Variants in MTREX observed in about 807,000 individuals in gnomAD.
MTREX encodes the protein exosome RNA helicase MTR4.
MTREX carries 76 observed loss-of-function variants against 135.4 expected under a neutral mutation model. The ratio of observed to expected loss-of-function variants is 0.56; its 90% CI spans 0.47 to 0.68. The LOEUF (loss-of-function observed/expected upper bound fraction) is 0.68, where lower values mean the gene tolerates loss of function less well. Among genes scored for constraint, MTREX ranks in the 30% least tolerant of loss-of-function variants. MTREX has a pLI of 0.00. For missense variants in MTREX, 920 were observed against 1,262.1 expected, an observed-to-expected ratio of 0.73 and a Z score of 4.11; for synonymous variants, 404 against 401.6, an observed-to-expected ratio of 1.01 and a Z score of -0.07.
Position 55,377,855 on chromosome 5 carries a change from G to A in MTREX, c.1811-459G>A, listed in dbSNP as rs191551462. 3.7e-4 allele frequency among the ~76,000 whole-genome samples: 56 copies of A among 152,082 alleles called. 1 individual carries two copies. Among genetic ancestry groups the A allele is most frequent in the African/African-American group, 1.3e-3 (53 of 41,474 alleles). ...CTGCTGCTTTTTCTCCCCAAGGCAGGAATCATCTCCAGCTTTTCTGTTTTA... is the reference window on the plus strand; with the variant it reads ...CTGCTGCTTTTTCTCCCCAAGGCAGAAATCATCTCCAGCTTTTCTGTTTTA... On this transcript the variant is annotated intron_variant, in intron 16 of 26. Transcript: ENST00000230640.
intron 25 of MTREX, among the ~76,000 whole-genome samples, chr5:55,417,295 A>G (rs1257783558): frequency 6.6e-6 from 1 of 152,182 alleles, no homozygotes; most frequent in East Asian, 1.9e-4. Context: ...TATAATTTAC[A>G]TGTAATCACC....
chr5:55,425,157 A>G lies in MTREX; in HGVS notation c.*385A>G, dbSNP rs1561216727. On this transcript the variant is annotated 3_prime_UTR_variant, in exon 27 of 27. Coordinates refer to ENST00000230640, the MANE Select transcript of MTREX (RefSeq NM_015360.5). Reference sequence around the variant, plus strand: ...TGCATCCTCTTGCCTTGTGGCAATCATTTTCCTTTAGAAAACAGGCCAGCT... The same window carrying G: ...TGCATCCTCTTGCCTTGTGGCAATCGTTTTCCTTTAGAAAACAGGCCAGCT... 1.3e-6 allele frequency: 2 copies of G among 1,581,650 alleles called. No homozygotes were observed. Among genetic ancestry groups the G allele is most frequent in the East Asian group, 2.2e-5 (1 of 44,672 alleles).
At chr5:55,418,120 G>C (rs1750999977) in intron 25 of MTREX, among the ~76,000 whole-genome samples, 1 of 150,886 alleles carries the variant, frequency 6.6e-6, no homozygotes, top group Non-Finnish European at 1.5e-5. Context: ...TGTAGTCCCA[G>C]CTACTCGGGA....
At position 55,425,435 on chromosome 5, in the gene MTREX, A is replaced by G. The variant is rs1751156382; in HGVS notation, c.*663A>G. The stretch of plus-strand genomic sequence containing the variant: ...CTAAGATAAATATAAACAAAAGGAT[A>G]TACTTTGAGGTGTACAGATTAAGCA... On this transcript the variant is annotated 3_prime_UTR_variant, in exon 27 of 27. Transcript: ENST00000230640. 5.3e-6 allele frequency: 6 copies of G among 1,135,926 alleles called. No individual in the cohort carries two copies. The highest frequency in any genetic ancestry group is 7.5e-6 in the Non-Finnish European group (6 of 804,292). The allele number at this position is 1,135,926 out of a possible 1,614,324, so 70.4% of individuals were successfully genotyped here.
At chr5:55,309,650 A>T (rs1214819784) in intron 1 of MTREX, among the ~76,000 whole-genome samples, 1 of 152,174 alleles carries the variant, frequency 6.6e-6, no homozygotes, top group Non-Finnish European at 1.5e-5. Context: ...GCTTGAGACA[A>T]TGTGAAGGGA....
intron 16 of MTREX, among the ~76,000 whole-genome samples, chr5:55,368,533 T>C (rs1271288654): frequency 6.6e-6 from 1 of 152,216 alleles, no homozygotes; most frequent in Non-Finnish European, 1.5e-5. Flanking sequence ...CTATCATGAT[T>C]TATTTAACAG....
At chr5:55,329,416 G>T (rs963501846) in intron 5 of MTREX, 4 of 151,172 alleles carry the variant, frequency 2.6e-5, no homozygotes, top group African/African-American at 9.7e-5. Context: ...TCAAGCAATC[G>T]TCCCACCTTG....
At chr5:55,351,694 G>A (rs1749830901) in intron 13 of MTREX, among the ~76,000 whole-genome samples, 1 of 152,142 alleles carries the variant, frequency 6.6e-6, no homozygotes, top group Non-Finnish European at 1.5e-5. Context: ...TTAGACTTAG[G>A]AAAGAGAGTT....
At chr5:55,372,830 A>G (rs965737325) in intron 16 of MTREX, among the ~76,000 whole-genome samples, 4 of 151,948 alleles carry the variant, frequency 2.6e-5, no homozygotes, top group African/African-American at 4.8e-5. Context: ...TAGCTGTGAC[A>G]CCAAAAGCAT....
intron 25 of MTREX, 69 bp downstream of exon 25, chr5:55,416,201 T>A: frequency 1.1e-6 from 1 of 938,538 alleles, no homozygotes; most frequent in African/African-American, 1.7e-5. Flanking sequence ...TTGTTTTAAT[T>A]AAACAAGTAT....
rs749729783 is a variant in MTREX at position 55,349,523 on chromosome 5, G to GGTA, written c.1241-49_1241-47dup. On this transcript the variant is annotated intron_variant, in intron 11 of 26. Coordinates refer to ENST00000230640, the MANE Select transcript of MTREX (RefSeq NM_015360.5). ...TTATTCTTTGTAATGTGTGAAGTTT[G>GGTA]GTATCACTAACTCATTTTGATATTT... 1.1e-4 allele frequency: 107 copies of GGTA among 952,602 alleles called. No individual in the cohort carries two copies. The East Asian group carries it at 2.6e-3, about 23-fold the overall frequency. 59.0% of individuals were successfully genotyped at this position (952,602 alleles called of 1,614,324 possible).
rs1750355664 is a variant in MTREX at position 55,379,282 on chromosome 5, A to T, written c.2052+87A>T. 6.7e-6 allele frequency: 5 copies of T among 748,812 alleles called. No homozygotes were observed. In the South Asian group the frequency reaches 8.1e-5, roughly 12 times the overall value. 46.4% of individuals were successfully genotyped at this position (748,812 alleles called of 1,614,324 possible). A position where few individuals can be genotyped will look rare whatever the true frequency, so the allele number is the denominator to read the frequency against. ...TTATGAAATCGGTCTAAGAAGAAATAATATTACCTGAAGAGAAGCAGTAAT... is the reference window on the plus strand; with the variant it reads ...TTATGAAATCGGTCTAAGAAGAAATTATATTACCTGAAGAGAAGCAGTAAT... On this transcript the variant is annotated intron_variant, in intron 18 of 26. Transcript: ENST00000230640.
At chr5:55,394,594 G>A (rs560585593) in intron 19 of MTREX, among the ~76,000 whole-genome samples, 1 of 152,274 alleles carries the variant, frequency 6.6e-6, no homozygotes, top group African/African-American at 2.4e-5. Flanking sequence ...TGCTGCTGCT[G>A]ATCTGACAAG....
chr5:55,372,411 CATAAT>C (rs1357458218), intron 16 of MTREX, among the ~76,000 whole-genome samples: 1 of 152,082 alleles, frequency 6.6e-6, no homozygotes, highest in Non-Finnish European at 1.5e-5. Context: ...TGATAATAAA[CATAAT>C]AACAATACAG....
At chr5:55,330,955 G>C (rs1057000087) in intron 5 of MTREX, among the ~76,000 whole-genome samples, 5 of 150,396 alleles carry the variant, frequency 3.3e-5, no homozygotes, top group Non-Finnish European at 7.4e-5. Flanking sequence ...TTTTTTTATT[G>C]CAGTGTCTTA....
intron 5 of MTREX, among the ~76,000 whole-genome samples, chr5:55,339,071 T>C (rs1404438055): frequency 6.6e-6 from 1 of 152,104 alleles, no homozygotes; most frequent in Admixed American, 6.6e-5. Context: ...GGATTATAGG[T>C]GTGAGCCACT....
At chr5:55,313,472 G>A (rs1234400462) in intron 1 of MTREX, among the ~76,000 whole-genome samples, 1 of 151,974 alleles carries the variant, frequency 6.6e-6, no homozygotes, top group Admixed American at 6.6e-5. Flanking sequence ...CATTCCTGCT[G>A]ACAATTACAT....
At chr5:55,324,020 G>T in intron 2 of MTREX, 112 bp from the exon 3 acceptor site, 1 of 713,112 alleles carries the variant, frequency 1.4e-6, no homozygotes, top group Non-Finnish European at 2.4e-6. Context: ...TTCCTATTTG[G>T]AATACTGATG....
rs200423507 is a variant in MTREX, at chr5:55,400,813, ACT to A, written c.2481+397_2481+398del. 3.6e-3 allele frequency among the ~76,000 whole-genome samples: 540 copies of A among 151,910 alleles called. 2 individuals carry two copies. Among genetic ancestry groups the A allele is most frequent in the African/African-American group, 0.012 (495 of 41,420 alleles). On this transcript the variant is annotated intron_variant, in intron 21 of 26. Coordinates refer to ENST00000230640, the MANE Select transcript of MTREX (RefSeq NM_015360.5). ...AGGAACTTTATACCCATTAGCAGCC[ACT>A]CTCTGTTTCTCCCATCCTCCAGCCC...
Sources: gnomAD v4.1 joint callset for allele counts (sites outside exome capture counted in the v4.1 genomes callset) on GRCh38, gnomAD v4.1.1 for gene constraint, MANE v1.5 for transcripts, NCBI Gene and HGNC (gene_info 2026-07-23, HGNC 2026-07-21) for gene names.